Variants in TMEM131 observed in about 807,000 individuals in gnomAD.
The protein encoded by TMEM131 is 2610524E03Rik.
TMEM131 carries 66 observed loss-of-function variants against 211.6 expected under a neutral mutation model. That is an observed-to-expected ratio of 0.31 (90% confidence interval 0.26 to 0.38). The LOEUF (loss-of-function observed/expected upper bound fraction) is 0.38, where lower values mean the gene tolerates loss of function less well. TMEM131 is among the 10% of genes least tolerant of loss of function. TMEM131 has a pLI of 1.00. For missense variants in TMEM131, 2,036 were observed against 2,299.3 expected, an observed-to-expected ratio of 0.89 and a Z score of 2.34; for synonymous variants, 844 against 841.3, an observed-to-expected ratio of 1.00 and a Z score of -0.06.
rs115404505 is a variant in TMEM131, at chr2:97,767,787, G to A, written c.4449-1185C>T. On this transcript the variant is annotated intron_variant, in intron 33 of 40. Coordinates refer to ENST00000186436, the MANE Select transcript of TMEM131 (RefSeq NM_015348.2). Reference sequence around the variant, plus strand: ...GTGTGTGATACTACTCAGGACTCCCGGCCCCATCCTCCAAGTTCTTCACGC... The same window carrying A: ...GTGTGTGATACTACTCAGGACTCCCAGCCCCATCCTCCAAGTTCTTCACGC... Among the ~76,000 whole-genome samples, 215 of 152,212 alleles carry A rather than the reference G, an allele frequency of 1.4e-3. 1 individual carries two copies. The highest frequency in any genetic ancestry group is 4.9e-3 in the African/African-American group (204 of 41,528).
chr2:97,938,513 C>T (rs1410945855), intron 1 of TMEM131, among the ~76,000 whole-genome samples: 1 of 152,138 alleles, frequency 6.6e-6, no homozygotes, highest in East Asian at 1.9e-4. Context: ...TACAGGAGCA[C>T]CCAGATTCAC....
intron 1 of TMEM131, among the ~76,000 whole-genome samples, chr2:97,962,328 T>C (rs868708660): frequency 6.6e-6 from 1 of 151,932 alleles, no homozygotes. Flanking sequence ...AGGGTGAAAC[T>C]CCATCTCTAC....
intron 2 of TMEM131, among the ~76,000 whole-genome samples, chr2:97,921,885 G>A (rs1676754861): frequency 6.6e-6 from 1 of 152,158 alleles, no homozygotes; most frequent in Admixed American, 6.5e-5. Context: ...ACAGAAGGAG[G>A]GAAGGAAGAA....
At chr2:97,945,833 A>C (rs1242792882) in intron 1 of TMEM131, among the ~76,000 whole-genome samples, 1 of 152,164 alleles carries the variant, frequency 6.6e-6, no homozygotes, top group Non-Finnish European at 1.5e-5. Context: ...AAAAATCTCA[A>C]CGTTTGAACA....
intron 19 of TMEM131, among the ~76,000 whole-genome samples, chr2:97,807,310 C>T (rs1437087684): frequency 6.6e-6 from 1 of 152,066 alleles, no homozygotes; most frequent in African/African-American, 2.4e-5. Flanking sequence ...GAGGTGGGGC[C>T]CTATGGAAGG....
chr2:97,849,737 T>TTC (rs1241977142), intron 5 of TMEM131, among the ~76,000 whole-genome samples: 6 of 148,154 alleles, frequency 4.0e-5, no homozygotes, highest in African/African-American at 1.5e-4. Flanking sequence ...TTTTTTTTTT[T>TTC]TTTACTGTTT....
At chr2:97,768,893 T>C (rs1679325217) in intron 33 of TMEM131, among the ~76,000 whole-genome samples, 1 of 150,922 alleles carries the variant, frequency 6.6e-6, no homozygotes, top group African/African-American at 2.4e-5. Context: ...TGAGCCACCG[T>C]GCCCAGACTG....
intron 7 of TMEM131, among the ~76,000 whole-genome samples, chr2:97,840,826 G>C (rs925624330): frequency 2.0e-5 from 3 of 152,226 alleles, no homozygotes; most frequent in Non-Finnish European, 4.4e-5. Flanking sequence ...TCTTCACCCA[G>C]TTGTTGCCAA....
chr2:97,837,420 T>G (rs756597704), intron 7 of TMEM131, among the ~76,000 whole-genome samples: 2 of 152,232 alleles, frequency 1.3e-5, no homozygotes, highest in Non-Finnish European at 2.9e-5. Context: ...GACCAGATTT[T>G]AGAAAGTAAC....
At chr2:97,763,869 A>G (rs1217496447) in intron 35 of TMEM131, 1 of 152,428 alleles carries the variant, frequency 6.6e-6, no homozygotes, top group Non-Finnish European at 1.5e-5. Flanking sequence ...AGCAAAGGGA[A>G]GTTAGCAAAA....
At chr2:97,951,340 C>A (rs1678304774) in intron 1 of TMEM131, among the ~76,000 whole-genome samples, 1 of 152,192 alleles carries the variant, frequency 6.6e-6, no homozygotes, top group African/African-American at 2.4e-5. Context: ...TGGATAGCTT[C>A]TGGTGCCACA....
Position 97,942,267 on chromosome 2 carries a change from C to A in TMEM131, c.188-14780G>T, listed in dbSNP as rs555904039. 2.7e-4 allele frequency among the ~76,000 whole-genome samples: 37 copies of A among 135,502 alleles called. No individual in the cohort carries two copies. In the East Asian group the frequency reaches 5.3e-3, roughly 20 times the overall value. The allele number at this position is 135,502 out of a possible 152,430, so 88.9% of individuals were successfully genotyped here. ...ACATGTTCTCATTCATAGGTGGGAA[C>A]TGAACAATGAGAACACTTGGACACA... On this transcript the variant is annotated intron_variant, in intron 1 of 40. Transcript: ENST00000186436.
chr2:97,796,561 G>A (rs1034155833), intron 27 of TMEM131, among the ~76,000 whole-genome samples, 157 bp from the exon 28 acceptor site: 9 of 152,186 alleles, frequency 5.9e-5, no homozygotes, highest in African/African-American at 2.2e-4. Flanking sequence ...TCATCATGAG[G>A]TAATCTACTT....
rs748996666 is a variant in TMEM131, at chr2:97,809,789, A to C, written c.1969-15T>G. ...ATTGTCAGGATCTGTGAAGTCAAGAAGATGATGATAGATAAGTAGTTAAGA... is the reference window on the plus strand; with the variant it reads ...ATTGTCAGGATCTGTGAAGTCAAGACGATGATGATAGATAAGTAGTTAAGA... On this transcript the variant is annotated splice_polypyrimidine_tract_variant and intron_variant, in intron 18 of 40. Transcript: ENST00000186436. 6.4e-7 allele frequency: 1 copy of C among 1,571,104 alleles called. No individual in the cohort carries two copies. Among genetic ancestry groups the C allele is most frequent in the South Asian group, 1.2e-5 (1 of 86,238 alleles).
intron 11 of TMEM131, among the ~76,000 whole-genome samples, chr2:97,825,044 C>G (rs1682309559): frequency 6.6e-6 from 1 of 152,196 alleles, no homozygotes; most frequent in Non-Finnish European, 1.5e-5. Flanking sequence ...CTTCTGTATT[C>G]CCCTGCACTC....
chr2:97,777,116 T>TG (rs1176499603), intron 31 of TMEM131, among the ~76,000 whole-genome samples: 1 of 151,834 alleles, frequency 6.6e-6, no homozygotes, highest in Non-Finnish European at 1.5e-5. Flanking sequence ...CCTGCCCTCA[T>TG]GGAGCTTACA....
chr2:97,887,140 G>A (rs921929859), intron 4 of TMEM131, among the ~76,000 whole-genome samples: 1 of 152,180 alleles, frequency 6.6e-6, no homozygotes, highest in African/African-American at 2.4e-5. Flanking sequence ...TGCCCTATGG[G>A]GCTGTTTCTC....
At chr2:97,880,663 G>A (rs1326126747) in intron 4 of TMEM131, among the ~76,000 whole-genome samples, 1 of 152,140 alleles carries the variant, frequency 6.6e-6, no homozygotes, top group Non-Finnish European at 1.5e-5. Context: ...GCAAGACATG[G>A]TGAGTTTAGT....
Position 97,834,945 on chromosome 2 carries a change from T to C in TMEM131, c.805-20A>G, listed in dbSNP as rs371958869. The C allele has an allele frequency of 3.7e-6, 6 of 1,612,844 alleles. No homozygotes were observed. Among genetic ancestry groups the C allele is most frequent in the Admixed American group, 1.7e-5 (1 of 59,894 alleles). On this transcript the variant is annotated intron_variant, in intron 8 of 40. Transcript: ENST00000186436. Reference sequence around the variant, plus strand: ...AATTTCCTGACAAGTTAACAGACCATAATGTAGCACAGCTTTTGTAATGTA... The same window carrying C: ...AATTTCCTGACAAGTTAACAGACCACAATGTAGCACAGCTTTTGTAATGTA...
Sources: allele counts gnomAD v4.1 joint callset (sites outside exome capture counted in the v4.1 genomes callset), GRCh38; gene constraint gnomAD v4.1.1; transcripts MANE v1.5; gene names NCBI Gene and HGNC (gene_info 2026-07-23, HGNC 2026-07-21).